AMOTL2: variants seen among roughly 807,000 people sequenced by gnomAD.
The protein encoded by AMOTL2 is angiomotin like 2, also known as angiomotin-like protein 2.
Under a neutral mutation model 78.4 loss-of-function variants are expected in AMOTL2, and 33 were observed. That is an observed-to-expected ratio of 0.42 (90% CI 0.32 to 0.56). The LOEUF is 0.56. AMOTL2 is among the 20% of genes least tolerant of loss of function. AMOTL2 has a pLI of 0.12. For synonymous variants in AMOTL2, 422 were observed against 428.8 expected (o/e 0.98, Z 0.20); for missense variants, 983 against 1,030.1 (o/e 0.95, Z 0.63).
rs1228872402 is a variant in AMOTL2, at chr3:134,371,467, T to C, written c.-34A>G. ...GGCTTGCACACAGCTGCCTGGACAA[T>C]GGCCGGTGGCACCTGGCCCCAGAGC... On this transcript the variant is annotated 5_prime_UTR_variant, in exon 2 of 10. Transcript: ENST00000249883. The C allele has an allele frequency of 3.1e-6, 5 of 1,591,262 alleles. No homozygotes were observed.
At chr3:134,361,901 T>C (rs1270162581) in intron 5 of AMOTL2, 94 bp from the exon 6 acceptor site, 1 of 1,071,458 alleles carries the variant, frequency 9.3e-7, no homozygotes, top group Non-Finnish European at 1.3e-6. Flanking sequence ...ATGAGCACAG[T>C]TGCTTCTCAT....
At chr3:134,363,532 G>A (rs1471430757) in intron 5 of AMOTL2, among the ~76,000 whole-genome samples, 1 of 152,216 alleles carries the variant, frequency 6.6e-6, no homozygotes, top group African/African-American at 2.4e-5. Flanking sequence ...TATAGCTGGA[G>A]AATCTGGGGC....
intron 5 of AMOTL2, 111 bp from the exon 6 acceptor site, chr3:134,361,918 A>C: frequency 3.1e-6 from 3 of 958,432 alleles, no homozygotes; most frequent in East Asian, 2.7e-5. Context: ...TCATTCTCTC[A>C]AAAATAACAG....
upstream of AMOTL2, chr3:134,374,506 T>C (rs763150589): frequency 1.3e-5 from 13 of 985,580 alleles, no homozygotes; most frequent in Non-Finnish European, 1.6e-5. Flanking sequence ...GCGGCTGCTA[T>C]GCCAGGAATG....
At chr3:134,358,435 C>T in intron 9 of AMOTL2, 105 bp downstream of exon 9, 1 of 1,363,092 alleles carries the variant, frequency 7.3e-7, no homozygotes, top group Non-Finnish European at 9.8e-7. Context: ...GGAGTGCGGG[C>T]AATGACCCGG....
rs1373401765 is a variant in AMOTL2, at chr3:134,355,855, C to T, written c.*1850G>A. 2.0e-5 allele frequency: 3 copies of T among 152,640 alleles called. No individual in the cohort carries two copies. The highest frequency in any genetic ancestry group is 4.4e-5 in the Non-Finnish European group (3 of 68,046). The allele number at this position is 152,640 out of a possible 1,614,324, so 9.5% of individuals were successfully genotyped here. The stretch of plus-strand genomic sequence containing the variant: ...CCTTTCCCTTCCCTCAGTGCAAAGT[C>T]TCACCTGTGCAAAGACATCACTTTT... On this transcript the variant is annotated 3_prime_UTR_variant, in exon 10 of 10. Coordinates refer to ENST00000249883, the MANE Select transcript of AMOTL2 (RefSeq NM_016201.4).
In AMOTL2 at chr3:134,357,544, G is replaced by A. The variant is rs751786467; in HGVS notation, c.*161C>T. 2 of 736,344 alleles carry A rather than the reference G, an allele frequency of 2.7e-6. No individual in the cohort carries two copies. The highest frequency in any genetic ancestry group is 3.4e-5 in the African/African-American group (2 of 58,266). 45.6% of individuals were successfully genotyped at this position (736,344 alleles called of 1,614,324 possible). ...CTCTCACAGCTCTCCTCTCCCCTGG[G>A]GTCCTCCTCCTGAGCTCCTGGGACC... On this transcript the variant is annotated 3_prime_UTR_variant, in exon 10 of 10. Transcript: ENST00000249883.
intron 2 of AMOTL2, 48 bp downstream of exon 2, chr3:134,370,652 T>A (rs200383907): frequency 6.7e-6 from 10 of 1,501,354 alleles, no homozygotes; most frequent in South Asian, 2.8e-5. Flanking sequence ...GAGAGACCTG[T>A]GCTGGAAGAA....
chr3:134,371,694 C>T lies in AMOTL2; in HGVS notation c.-61-200G>A. The T allele has an allele frequency of 3.7e-6, 3 of 816,054 alleles. No homozygotes were observed. In the South Asian group the frequency reaches 9.4e-5, roughly 26 times the overall value. 50.6% of individuals were successfully genotyped at this position (816,054 alleles called of 1,614,324 possible). ...TAAGACAAGTTACCTAATCTCTGAG[C>T]CTCAGTTTCTCCACCAGAAAAATGC... On this transcript the variant is annotated intron_variant, in intron 1 of 9. Transcript: ENST00000249883.
At chr3:134,374,292 C>G in intron 1 of AMOTL2, 50 bp downstream of exon 1, 1 of 985,468 alleles carries the variant, frequency 1.0e-6, no homozygotes, top group Non-Finnish European at 1.2e-6. Flanking sequence ...GGCTGGGGCA[C>G]GTTTCTGTGG....
chr3:134,364,548 C>T (rs922422286), intron 5 of AMOTL2, among the ~76,000 whole-genome samples: 1 of 152,090 alleles, frequency 6.6e-6, no homozygotes, highest in African/African-American at 2.4e-5. Flanking sequence ...CTCCCTCCTT[C>T]CCTTTGACTC....
chr3:134,367,822 G>C lies in AMOTL2; in HGVS notation c.735-19C>G, dbSNP rs370253411. 6.2e-7 allele frequency: 1 copy of C among 1,612,168 alleles called. No individual in the cohort carries two copies. The highest frequency in any genetic ancestry group is 2.2e-5 in the East Asian group (1 of 44,868). ...CAGGATCCTGGGGAACAGAAGAGAC[G>C]GTGCTCAGAGACAGCACAGACCCTC... On this transcript the variant is annotated intron_variant, in intron 2 of 9. Coordinates refer to ENST00000249883, the MANE Select transcript of AMOTL2 (RefSeq NM_016201.4).
chr3:134,360,369 A>C lies in AMOTL2; in HGVS notation c.1620T>G (p.Ser540=), dbSNP rs1479270442. The C allele has an allele frequency of 6.2e-7, 1 of 1,613,708 alleles. No individual in the cohort carries two copies. The highest frequency in any genetic ancestry group is 2.2e-5 in the East Asian group (1 of 44,872). The change falls in exon 7 of 10, where the codon TCT becomes TCG. Residue 540 remains serine, a synonymous_variant. Transcript: ENST00000249883. The part of the protein sequence containing the change: ...APGGSSGSGG[S]PELSALRLSE... ...ACAGTCGCAGGGCGCTGAGCTCTGGAGACCCACCACTGCCACTGCTACCAC... is the reference window on the plus strand; with the variant it reads ...ACAGTCGCAGGGCGCTGAGCTCTGGCGACCCACCACTGCCACTGCTACCAC...
At chr3:134,358,836 G>A in intron 8 of AMOTL2, 117 bp from the exon 9 acceptor site, 1 of 1,214,174 alleles carries the variant, frequency 8.2e-7, no homozygotes, top group Non-Finnish European at 1.2e-6. Context: ...CTCTTGATTT[G>A]CAAGAACTTT....
In AMOTL2 at chr3:134,359,597, C is replaced by A. The variant is rs867701959; in HGVS notation, c.1884-94G>T. ...CATAGGAGTTAGAGGAAAAGCCCCC[C>A]CCAACTCCCCCAACCCTGCCAGGCT... On this transcript the variant is annotated intron_variant, in intron 7 of 9. Coordinates refer to ENST00000249883, the MANE Select transcript of AMOTL2 (RefSeq NM_016201.4). The A allele has an allele frequency of 6.0e-6, 6 of 1,001,734 alleles. No homozygotes were observed. The South Asian group carries it at 6.3e-5, about 11-fold the overall frequency. 62.1% of individuals were successfully genotyped at this position (1,001,734 alleles called of 1,614,324 possible).
Position 134,367,952 on chromosome 3 carries a change from A to G in AMOTL2, c.735-149T>C, listed in dbSNP as rs75782682. ...TATATTATTAAAATTACTGCAGATAATTATTCAACCCTCTAGTGTTAGGCA... is the reference window on the plus strand; with the variant it reads ...TATATTATTAAAATTACTGCAGATAGTTATTCAACCCTCTAGTGTTAGGCA... On this transcript the variant is annotated intron_variant, in intron 2 of 9. Transcript: ENST00000249883. 6,897 of 645,630 alleles carry G rather than the reference A, an allele frequency of 0.011. 367 individuals are homozygous for G. In the African/African-American group the frequency reaches 0.12, roughly 11 times the overall value. 40.0% of individuals were successfully genotyped at this position (645,630 alleles called of 1,614,324 possible). A position where few individuals can be genotyped will look rare whatever the true frequency, so the allele number is the denominator to read the frequency against.
rs2017594415 is a variant in AMOTL2, at chr3:134,366,141, G to A, written c.1186+142C>T. The A allele has an allele frequency of 2.5e-6, 3 of 1,191,160 alleles. No homozygotes were observed. The South Asian group carries it at 4.4e-5, about 17-fold the overall frequency. The allele number at this position is 1,191,160 out of a possible 1,614,324, so 73.8% of individuals were successfully genotyped here. On this transcript the variant is annotated intron_variant, in intron 4 of 9. Coordinates refer to ENST00000249883, the MANE Select transcript of AMOTL2 (RefSeq NM_016201.4). The stretch of plus-strand genomic sequence containing the variant: ...AGACAAGCATCTCTCTATCAGGGCA[G>A]CTCCAAAGGGGTCTCAGCCTGGCTC...
intron 1 of AMOTL2, among the ~76,000 whole-genome samples, chr3:134,372,661 T>A (rs1559805309): frequency 6.6e-6 from 1 of 152,124 alleles, no homozygotes; most frequent in Non-Finnish European, 1.5e-5. Flanking sequence ...GAAGCCCATC[T>A]TGACTTGGGC....
At position 134,357,664 on chromosome 3, in the gene AMOTL2, G is replaced by A. The variant is rs142696435; in HGVS notation, c.*41C>T. Reference sequence around the variant, plus strand: ...TGGCTGAGAGTGGCACAGGGCAGAGGAGGGGAGAGAATGGCTCAGAGTCCT... The same window carrying A: ...TGGCTGAGAGTGGCACAGGGCAGAGAAGGGGAGAGAATGGCTCAGAGTCCT... On this transcript the variant is annotated 3_prime_UTR_variant, in exon 10 of 10. Transcript: ENST00000249883. 2.4e-5 allele frequency: 39 copies of A among 1,603,078 alleles called. No homozygotes were observed. The Middle Eastern group carries it at 6.6e-4, about 27-fold the overall frequency.
Sources: gnomAD v4.1 joint callset for allele counts (sites outside exome capture counted in the v4.1 genomes callset) on GRCh38, gnomAD v4.1.1 for gene constraint, MANE v1.5 for transcripts, NCBI Gene and HGNC (gene_info 2026-07-23, HGNC 2026-07-21) for gene names.